MUC13: variants seen among roughly 807,000 people sequenced by gnomAD.
MUC13 encodes mucin 13, cell surface associated, also known as mucin-13.
Under a neutral mutation model 48.3 loss-of-function variants are expected in MUC13, and 32 were observed. The observed-to-expected ratio is 0.66, with a 90% CI of 0.50 to 0.89. MUC13 has a LOEUF of 0.89. Among genes scored for constraint, MUC13 ranks in the 40% least tolerant of loss-of-function variants. The probability of loss-of-function intolerance (pLI) is 0.00; values close to 1 mark genes in which losing one functional copy is unlikely to be tolerated. For missense variants in MUC13, 571 were observed against 622.8 expected, an observed-to-expected ratio of 0.92 and a Z score of 0.88; for synonymous variants, 199 against 224.9, an observed-to-expected ratio of 0.88 and a Z score of 1.03.
In MUC13 at chr3:124,917,126, GTCTC is replaced by G. The variant is rs138692223; in HGVS notation, c.801-650_801-647del. 1.0e-3 allele frequency among the ~76,000 whole-genome samples: 157 copies of G among 149,804 alleles called. 1 individual carries two copies. Among genetic ancestry groups the G allele is most frequent in the African/African-American group, 3.1e-3 (129 of 40,986 alleles). ...CTGCCATGAGCAAGACATTGTCACT[GTCTC>G]TCTCTCTCTCTCTCTAATCAGCACT... On this transcript the variant is annotated intron_variant, in intron 5 of 11. Coordinates refer to ENST00000616727, the MANE Select transcript of MUC13 (RefSeq NM_033049.4).
In MUC13 at chr3:124,923,564, T is replaced by C. The variant is rs748678813; in HGVS notation, c.600A>G (p.Leu200=). ...KLHNTSFCLC[L]EGYYYNSSTC... is the part of the protein sequence containing the mutation. Reference sequence around the variant, plus strand: ...TAGAAGAGTTGTAGTAATACCCTTCTAAACACAGGCAAAAACTTGTATTAT... The same window carrying C: ...TAGAAGAGTTGTAGTAATACCCTTCCAAACACAGGCAAAAACTTGTATTAT... The change falls in exon 3 of 12, where the codon TTA becomes TTG. Residue 200 remains leucine (L), a synonymous_variant. Transcript: ENST00000616727. 8.1e-6 allele frequency: 13 copies of C among 1,614,028 alleles called. No individual in the cohort carries two copies. Among genetic ancestry groups the C allele is most frequent in the Admixed American group, 3.3e-5 (2 of 60,016 alleles).
At chr3:124,923,792 G>A (rs1935645506) in intron 2 of MUC13, 143 bp from the exon 3 acceptor site, 2 of 784,570 alleles carry the variant, frequency 2.5e-6, no homozygotes, top group African/African-American at 3.5e-5. Flanking sequence ...TTTTGGAAGA[G>A]TTAAAAACAA....
At chr3:124,923,738 C>T (rs1054598912) in intron 2 of MUC13, 89 bp from the exon 3 acceptor site, 2 of 1,364,752 alleles carry the variant, frequency 1.5e-6, no homozygotes, top group African/African-American at 1.5e-5. Context: ...ATGCCTCCCC[C>T]CTGGGCCCTT....
In MUC13 at chr3:124,905,588, G is replaced by C. The variant is rs919598774; in HGVS notation, c.*1155C>G. ...ATAACATTTGTAAAAGCTTGTACTG[G>C]ATGTGGTTGCCCCCATTTGTGTGTG... On this transcript the variant is annotated 3_prime_UTR_variant, in exon 12 of 12. Coordinates refer to ENST00000616727, the MANE Select transcript of MUC13 (RefSeq NM_033049.4). 2 of 153,186 alleles carry C rather than the reference G, an allele frequency of 1.3e-5. No homozygotes were observed. Among genetic ancestry groups the C allele is most frequent in the African/African-American group, 4.8e-5 (2 of 41,418 alleles). The allele number at this position is 153,186 out of a possible 1,614,324, so 9.5% of individuals were successfully genotyped here.
chr3:124,930,955 T>C (rs766650261), intron 1 of MUC13, among the ~76,000 whole-genome samples: 4 of 152,150 alleles, frequency 2.6e-5, no homozygotes, highest in Non-Finnish European at 5.9e-5. Context: ...CAGTAAATGC[T>C]TGTGCGGGGG....
At position 124,922,321 on chromosome 3, in the gene MUC13, T is replaced by A; in HGVS notation, c.638-18A>T. ...TACCTTTCCTGAAAGTTAAGCAGAA[T>A]CTTTCTGTACTATTTGATGAAAAGA... On this transcript the variant is annotated intron_variant, in intron 3 of 11. Transcript: ENST00000616727. 1 of 1,612,994 alleles carries A rather than the reference T, an allele frequency of 6.2e-7. No individual in the cohort carries two copies. The highest frequency in any genetic ancestry group is 8.5e-7 in the Non-Finnish European group (1 of 1,179,676).
intron 9 of MUC13, among the ~76,000 whole-genome samples, chr3:124,911,852 AG>A (rs1935425433): frequency 6.6e-6 from 1 of 152,154 alleles, no homozygotes; most frequent in Admixed American, 6.5e-5. Context: ...TCTGGTCTCA[AG>A]CAAGTCCAGA....
At chr3:124,907,382 G>A (rs948321743) in intron 11 of MUC13, among the ~76,000 whole-genome samples, 37 of 152,108 alleles carry the variant, frequency 2.4e-4, no homozygotes, top group South Asian at 2.1e-4. Flanking sequence ...TTGGAAGGAC[G>A]AGGCGAGAGG....
At chr3:124,918,240 T>G (rs1252821562) in intron 5 of MUC13, among the ~76,000 whole-genome samples, 2 of 152,046 alleles carry the variant, frequency 1.3e-5, no homozygotes, top group Non-Finnish European at 2.9e-5. Context: ...AGTGGAGAGA[T>G]AATTTTGGGC....
intron 6 of MUC13, 96 bp downstream of exon 6, chr3:124,916,221 G>A: frequency 1.1e-6 from 1 of 883,552 alleles, no homozygotes; most frequent in Non-Finnish European, 1.8e-6. Context: ...GTTCAATGAT[G>A]CAGTTCTTGT....
chr3:124,907,205 A>G (rs764547109), intron 11 of MUC13, among the ~76,000 whole-genome samples: 30 of 152,238 alleles, frequency 2.0e-4, no homozygotes, highest in Non-Finnish European at 2.5e-4. Context: ...ATGGGGTCTC[A>G]TTATTTGCCC....
intron 8 of MUC13, 116 bp downstream of exon 8, chr3:124,912,995 C>T: frequency 1.9e-6 from 2 of 1,062,960 alleles, no homozygotes; most frequent in Non-Finnish European, 1.3e-6. Flanking sequence ...GCTGTCTCTA[C>T]CAACCTATGA....
intron 6 of MUC13, among the ~76,000 whole-genome samples, chr3:124,914,410 C>T (rs1055477735): frequency 3.3e-5 from 5 of 149,322 alleles, no homozygotes; most frequent in South Asian, 2.1e-4. Flanking sequence ...GAATCCGTCT[C>T]GGGGAGAAAA....
chr3:124,918,721 A>T (rs1471807222), intron 5 of MUC13, among the ~76,000 whole-genome samples: 1 of 152,168 alleles, frequency 6.6e-6, no homozygotes, highest in African/African-American at 2.4e-5. Flanking sequence ...ACTCCATTCC[A>T]ATTTCACCAT....
intron 9 of MUC13, 123 bp downstream of exon 9, chr3:124,911,981 G>A: frequency 7.5e-7 from 1 of 1,330,970 alleles, no homozygotes; most frequent in Non-Finnish European, 1.0e-6. Flanking sequence ...GGAGGCAGAT[G>A]GTCTCTCTCT....
intron 9 of MUC13, 150 bp from the exon 10 acceptor site, chr3:124,910,649 A>G (rs976403540): frequency 1.6e-6 from 2 of 1,271,094 alleles, no homozygotes; most frequent in African/African-American, 1.5e-5. Flanking sequence ...TAGTTGGCCT[A>G]TTTCCTTTAG....
chr3:124,919,756 T>C (rs895998411), intron 5 of MUC13, among the ~76,000 whole-genome samples: 1 of 152,160 alleles, frequency 6.6e-6, no homozygotes, highest in African/African-American at 2.4e-5. Flanking sequence ...CAATAAGTGC[T>C]TGTTCTCACT....
intron 1 of MUC13, among the ~76,000 whole-genome samples, chr3:124,931,604 T>C (rs1579373333): frequency 1.3e-5 from 2 of 150,856 alleles, no homozygotes; most frequent in Admixed American, 1.3e-4. Flanking sequence ...AAAAATTAGC[T>C]GGGCGTGGTG....
chr3:124,908,398 GA>G (rs1249599003), intron 10 of MUC13, 50 bp from the exon 11 acceptor site: 2 of 1,378,420 alleles, frequency 1.5e-6, no homozygotes, highest in African/African-American at 2.9e-5. Flanking sequence ...AAAGTTTCTT[GA>G]AGTAAATGTT....
Sources: gnomAD v4.1 joint callset for allele counts (sites outside exome capture counted in the v4.1 genomes callset) on GRCh38, gnomAD v4.1.1 for gene constraint, MANE v1.5 for transcripts, NCBI Gene and HGNC (gene_info 2026-07-23, HGNC 2026-07-21) for gene names.